Variants in IL20RA observed in about 807,000 individuals in gnomAD.
The protein encoded by IL20RA is interleukin-20 receptor subunit alpha.
A neutral mutation model predicts 36.5 loss-of-function variants in IL20RA; 29 were observed. The ratio of observed to expected loss-of-function variants is 0.79; its 90% CI spans 0.59 to 1.08. IL20RA has a LOEUF of 1.08. Among genes scored for constraint, IL20RA ranks in the 50% least tolerant of loss-of-function variants. The probability of loss-of-function intolerance (pLI) is 0.00; values close to 1 mark genes in which losing one functional copy is unlikely to be tolerated. For missense variants in IL20RA, 652 were observed against 668.4 expected, an observed-to-expected ratio of 0.98 and a Z score of 0.27; for synonymous variants, 279 against 267.1, an observed-to-expected ratio of 1.04 and a Z score of -0.43.
In IL20RA at chr6:137,002,139, CT is replaced by C; in HGVS notation, c.1080del (p.Tyr362MetfsTer5). 2 of 1,614,168 alleles carry C rather than the reference CT, an allele frequency of 1.2e-6. No individual in the cohort carries two copies. Among genetic ancestry groups the C allele is most frequent in the Non-Finnish European group, 1.7e-6 (2 of 1,180,022 alleles). On this transcript the variant is annotated frameshift_variant, in exon 7 of 7. Coordinates refer to ENST00000316649, the MANE Select transcript of IL20RA (RefSeq NM_014432.4). LOFTEE classifies it low-confidence loss of function (END_TRUNC). ...PPQEEEEVKH[L>X]GYASHLMEIF... ...ATTTCCATCAAATGCGAAGCATACC[CT>C]AAATGTTTCACCTCCTCTTCCTCCT... is the stretch of plus-strand genomic sequence containing the variant.
At chr6:137,009,172 T>C (rs1775383156) in intron 4 of IL20RA, 145 bp downstream of exon 4, 7 of 744,116 alleles carry the variant, frequency 9.4e-6, no homozygotes, top group African/African-American at 5.2e-5. Flanking sequence ...TTTCTGTATA[T>C]AGAACTTTAT....
intron 1 of IL20RA, among the ~76,000 whole-genome samples, chr6:137,025,339 G>A (rs1390089667): frequency 6.6e-6 from 1 of 152,140 alleles, no homozygotes; most frequent in Non-Finnish European, 1.5e-5. Context: ...AACATGTGAG[G>A]ACATAGTGAG....
chr6:137,005,104 T>C (rs1201248380), intron 5 of IL20RA, among the ~76,000 whole-genome samples: 4 of 152,236 alleles, frequency 2.6e-5, no homozygotes, highest in African/African-American at 9.6e-5. Context: ...TAAGTGTATT[T>C]GATATTCAAG....
chr6:137,006,785 C>T (rs1775299487), intron 5 of IL20RA, among the ~76,000 whole-genome samples: 1 of 151,340 alleles, frequency 6.6e-6, no homozygotes, highest in South Asian at 2.1e-4. Flanking sequence ...TGCAGTGGCA[C>T]AATCACGGCT....
rs1250928081 is a variant in IL20RA, at chr6:137,001,204, A to G, written c.*354T>C. On this transcript the variant is annotated 3_prime_UTR_variant, in exon 7 of 7. Coordinates refer to ENST00000316649, the MANE Select transcript of IL20RA (RefSeq NM_014432.4). The stretch of plus-strand genomic sequence containing the variant: ...ACAGTGCTATGTGCATATGGGAAGT[A>G]CCCAGAAAATAATTGTACAAGTGTG... 1.1e-5 allele frequency: 2 copies of G among 176,526 alleles called. No individual in the cohort carries two copies. Among genetic ancestry groups the G allele is most frequent in the Non-Finnish European group, 2.4e-5 (2 of 84,360 alleles). The allele number at this position is 176,526 out of a possible 1,614,324, so 10.9% of individuals were successfully genotyped here. A position where few individuals can be genotyped will look rare whatever the true frequency, so the allele number is the denominator to read the frequency against.
intron 1 of IL20RA, among the ~76,000 whole-genome samples, chr6:137,035,306 T>C (rs747837828): frequency 3.0e-4 from 46 of 152,034 alleles, no homozygotes; most frequent in Non-Finnish European, 6.0e-4. Flanking sequence ...GAGAATGTGA[T>C]GTGATATATA....
chr6:137,028,108 T>C (rs1026374435), intron 1 of IL20RA, among the ~76,000 whole-genome samples: 1 of 151,738 alleles, frequency 6.6e-6, no homozygotes, highest in Non-Finnish European at 1.5e-5. Context: ...GGCACGGGGG[T>C]ACAGTTGAGG....
At chr6:137,006,148 G>A (rs1311890558) in intron 5 of IL20RA, among the ~76,000 whole-genome samples, 3 of 152,154 alleles carry the variant, frequency 2.0e-5, no homozygotes, top group Non-Finnish European at 2.9e-5. Context: ...TGCTCTTGAT[G>A]CTTGGGCCCA....
intron 2 of IL20RA, among the ~76,000 whole-genome samples, chr6:137,014,405 T>C (rs1775602153): frequency 1.3e-5 from 2 of 152,178 alleles, no homozygotes; most frequent in Non-Finnish European, 2.9e-5. Context: ...AAGGACGATA[T>C]GATAGCAGAA....
At chr6:137,019,837 C>A (rs1351861638) in intron 1 of IL20RA, among the ~76,000 whole-genome samples, 2 of 152,110 alleles carry the variant, frequency 1.3e-5, no homozygotes, top group African/African-American at 4.8e-5. Context: ...GAATATATTT[C>A]ATTATAAATG....
intron 1 of IL20RA, among the ~76,000 whole-genome samples, chr6:137,037,258 A>G (rs780502390): frequency 6.6e-6 from 1 of 152,208 alleles, no homozygotes; most frequent in Non-Finnish European, 1.5e-5. Flanking sequence ...TGAAGTATCC[A>G]TTTTGGTGGT....
In IL20RA at chr6:137,001,972, C is replaced by G; in HGVS notation, c.1248G>C (p.Glu416Asp). Residue 416 changes from glutamate (E) to aspartate (D), a missense_variant, in exon 7 of 7, where the codon GAG becomes GAC. By Grantham distance (45) the Glu-to-Asp change is conservative. Coordinates refer to ENST00000316649, the MANE Select transcript of IL20RA (RefSeq NM_014432.4). ...CCTCCTCCTGCAAACTGAGCTCCTGCTCTTCAGGCCCCGCACAAATGTCAG... is the reference window on the plus strand; with the variant it reads ...CCTCCTCCTGCAAACTGAGCTCCTGGTCTTCAGGCCCCGCACAAATGTCAG... ...RTTDICAGPE[E>D]QELSLQEEVS... 1 of 1,614,202 alleles carries G rather than the reference C, an allele frequency of 6.2e-7. No individual in the cohort carries two copies. Among genetic ancestry groups the G allele is most frequent in the Non-Finnish European group, 8.5e-7 (1 of 1,180,036 alleles).
chr6:137,034,500 T>A (rs1327052367), intron 1 of IL20RA, among the ~76,000 whole-genome samples: 1 of 152,164 alleles, frequency 6.6e-6, no homozygotes, highest in Non-Finnish European at 1.5e-5. Flanking sequence ...GCTGCACCTA[T>A]CAACCCATCA....
At chr6:137,024,808 G>C (rs1026872467) in intron 1 of IL20RA, among the ~76,000 whole-genome samples, 1 of 152,114 alleles carries the variant, frequency 6.6e-6, no homozygotes. Flanking sequence ...GATGTGTAGG[G>C]TGTGTGTGGT....
Position 137,009,608 on chromosome 6 carries a change from T to C in IL20RA, c.404-116A>G, listed in dbSNP as rs1306638803. 5 of 618,506 alleles carry C rather than the reference T, an allele frequency of 8.1e-6. No individual in the cohort carries two copies. The East Asian group carries it at 1.1e-4, about 14-fold the overall frequency. 38.3% of individuals were successfully genotyped at this position (618,506 alleles called of 1,614,324 possible). ...TAAAAGACATCCTTTTTTTTTTTTT[T>C]TTTTTTTTTTTTTTTGAGATGGAGT... On this transcript the variant is annotated intron_variant, in intron 3 of 6. Coordinates refer to ENST00000316649, the MANE Select transcript of IL20RA (RefSeq NM_014432.4).
At chr6:137,019,588 A>AT (rs1375236147) in intron 1 of IL20RA, among the ~76,000 whole-genome samples, 1 of 152,054 alleles carries the variant, frequency 6.6e-6, no homozygotes, top group Non-Finnish European at 1.5e-5. Context: ...AAACAAAGCA[A>AT]TTTTTCTCTT....
intron 1 of IL20RA, among the ~76,000 whole-genome samples, chr6:137,033,476 G>T (rs932196393): frequency 2.0e-5 from 3 of 152,224 alleles, no homozygotes; most frequent in Non-Finnish European, 4.4e-5. Flanking sequence ...CACAAAGTGG[G>T]CATTAGTGGT....
intron 1 of IL20RA, chr6:137,044,045 A>G (rs1776806982): frequency 1.1e-6 from 1 of 934,470 alleles, no homozygotes; most frequent in Non-Finnish European, 1.3e-6. Context: ...GTACATGGTC[A>G]TAACTGCAAA....
intron 1 of IL20RA, among the ~76,000 whole-genome samples, chr6:137,024,594 T>A (rs1776019352): frequency 6.6e-6 from 1 of 152,216 alleles, no homozygotes; most frequent in Non-Finnish European, 1.5e-5. Context: ...CAATGTCTCC[T>A]TTTGCAATTC....
Sources: gnomAD v4.1 joint callset for allele counts (sites outside exome capture counted in the v4.1 genomes callset) on GRCh38, gnomAD v4.1.1 for gene constraint, MANE v1.5 for transcripts, NCBI Gene and HGNC (gene_info 2026-07-23, HGNC 2026-07-21) for gene names.